Variants in COL11A1 observed in about 807,000 individuals in gnomAD.
COL11A1 encodes collagen alpha-1(XI) chain.
In COL11A1, 74 loss-of-function variants were observed where a neutral mutation model predicts 265.2. The ratio of observed to expected loss-of-function variants is 0.28; its 90% confidence interval spans 0.23 to 0.34. The LOEUF is 0.34. COL11A1 is among the 10% of genes least tolerant of loss of function. COL11A1 has a pLI of 1.00. For missense variants in COL11A1, 2,165 were observed against 2,263.6 expected, an observed-to-expected ratio of 0.96 and a Z score of 0.88; for synonymous variants, 816 against 727.6, an observed-to-expected ratio of 1.12 and a Z score of -1.96.
At chr1:103,089,969 CA>C (rs1185591773) in intron 1 of COL11A1, among the ~76,000 whole-genome samples, 1 of 151,856 alleles carries the variant, frequency 6.6e-6, no homozygotes, top group Non-Finnish European at 1.5e-5. Context: ...ACTAAAAATA[CA>C]AAAATTAGCC....
At chr1:102,984,229 A>C (rs746427617) in intron 30 of COL11A1, 38 bp from the exon 31 acceptor site, 3 of 1,293,292 alleles carry the variant, frequency 2.3e-6, no homozygotes, top group Non-Finnish European at 3.3e-6. Context: ...GTAATATTTT[A>C]AGTTGAATTA....
intron 22 of COL11A1, 42 bp downstream of exon 22, chr1:103,002,705 T>C: frequency 1.3e-6 from 2 of 1,555,342 alleles, no homozygotes; most frequent in Non-Finnish European, 1.8e-6. Context: ...TCTTAGGGCT[T>C]ATATTCAAAT....
intron 46 of COL11A1, among the ~76,000 whole-genome samples, chr1:102,928,502 G>T (rs12729158): frequency 0.53 from 80,832 of 151,928 alleles, 25,771 homozygotes; most frequent in East Asian, 0.77. Context: ...GTCTATCATT[G>T]TTGGACATTT....
rs1267865443 is a variant in COL11A1 at position 103,002,941 on chromosome 1, C to T, written c.1999-150G>A. The stretch of plus-strand genomic sequence containing the variant: ...AATGGAAACGAAGAAGAGACAAGAC[C>T]TATACTTTCTTTTCCATGTCCACAT... On this transcript the variant is annotated intron_variant, in intron 21 of 66. Coordinates refer to ENST00000370096, the MANE Select transcript of COL11A1 (RefSeq NM_001854.4). 9.7e-6 allele frequency: 8 copies of T among 828,078 alleles called. No individual in the cohort carries two copies. In the East Asian group the frequency reaches 1.8e-4, roughly 19 times the overall value. 51.3% of individuals were successfully genotyped at this position (828,078 alleles called of 1,614,324 possible).
At chr1:103,009,153 C>T (rs974811670) in intron 14 of COL11A1, among the ~76,000 whole-genome samples, 6 of 152,180 alleles carry the variant, frequency 3.9e-5, no homozygotes, top group African/African-American at 1.4e-4. Flanking sequence ...GTGGCTCACG[C>T]CTGTAATCCC....
At chr1:103,088,860 C>T (rs534926772) in intron 1 of COL11A1, among the ~76,000 whole-genome samples, 60 of 152,284 alleles carry the variant, frequency 3.9e-4, no homozygotes, top group African/African-American at 1.4e-3. Context: ...TTTAGCTCTC[C>T]AGATTATCCC....
At chr1:102,882,379 A>T (rs1480866643) in intron 64 of COL11A1, among the ~76,000 whole-genome samples, 2 of 152,128 alleles carry the variant, frequency 1.3e-5, no homozygotes, top group African/African-American at 4.8e-5. Flanking sequence ...GTTTTTCCAC[A>T]TTTCTCTGGA....
intron 41 of COL11A1, among the ~76,000 whole-genome samples, chr1:102,959,069 C>T (rs909617346): frequency 6.6e-6 from 1 of 152,204 alleles, no homozygotes; most frequent in South Asian, 2.1e-4. Context: ...CATCGGCTCA[C>T]TCCAATGTTG....
intron 28 of COL11A1, among the ~76,000 whole-genome samples, chr1:102,993,817 G>A (rs1300657513): frequency 1.3e-5 from 2 of 152,162 alleles, no homozygotes; most frequent in African/African-American, 4.8e-5. Flanking sequence ...GGGATTATAG[G>A]CATGTGCCAC....
chr1:102,966,390 C>A (rs1224562834), intron 37 of COL11A1, among the ~76,000 whole-genome samples: 3 of 152,074 alleles, frequency 2.0e-5, no homozygotes, highest in African/African-American at 4.8e-5. Flanking sequence ...TGGGTAGGAA[C>A]TAGCAGTCTC....
At chr1:103,021,583 A>G in intron 9 of COL11A1, 124 bp downstream of exon 9, 1 of 714,482 alleles carries the variant, frequency 1.4e-6, no homozygotes, top group South Asian at 1.5e-5. Flanking sequence ...ATTTGTGGTG[A>G]ATTGCAAACA....
intron 1 of COL11A1, among the ~76,000 whole-genome samples, chr1:103,092,312 C>T (rs184972745): frequency 1.3e-5 from 2 of 152,062 alleles, no homozygotes; most frequent in Non-Finnish European, 1.5e-5. Flanking sequence ...TCCAGAAGAA[C>T]AAAGTAGGCT....
Position 103,082,899 on chromosome 1 carries a change from A to T in COL11A1, c.180T>A (p.Phe60Leu), listed in dbSNP as rs1434633749. ...SPEGISKTTG[F>L]CTNRKNSKGS... ...CTTTAGAATTCTTTCTGTTTGTGCA[A>T]AATCCCGTTGTTTTTGATATTCCCT... is the stretch of plus-strand genomic sequence containing the variant. Residue 60 changes from phenylalanine (F) to leucine (L), a missense_variant, in exon 2 of 67, where the codon TTT becomes TTA. Physicochemically the swap from Phe to Leu is conservative, Grantham distance 22 (BLOSUM62 0). Coordinates refer to ENST00000370096, the MANE Select transcript of COL11A1 (RefSeq NM_001854.4). 2 of 1,613,688 alleles carry T rather than the reference A, an allele frequency of 1.2e-6. No individual in the cohort carries two copies. Among genetic ancestry groups the T allele is most frequent in the Non-Finnish European group, 1.7e-6 (2 of 1,179,750 alleles).
Position 103,096,898 on chromosome 1 carries a change from G to C in COL11A1, c.106+11175C>G, listed in dbSNP as rs147622797. Among the ~76,000 whole-genome samples the C allele has an allele frequency of 3.3e-5, 5 of 152,070 alleles. No homozygotes were observed. The East Asian group carries it at 9.7e-4, about 29-fold the overall frequency. The stretch of plus-strand genomic sequence containing the variant: ...TTTAGAAATGCTAAGTTATGTTTTT[G>C]TCTTATAGCAGATTTTATTTTAACA... On this transcript the variant is annotated intron_variant, in intron 1 of 66. Coordinates refer to ENST00000370096, the MANE Select transcript of COL11A1 (RefSeq NM_001854.4).
intron 31 of COL11A1, among the ~76,000 whole-genome samples, chr1:102,983,663 G>C (rs1317096066): frequency 6.6e-6 from 1 of 152,046 alleles, no homozygotes; most frequent in Non-Finnish European, 1.5e-5. Context: ...CTGTAAGGCA[G>C]TGAATTTCTG....
intron 28 of COL11A1, among the ~76,000 whole-genome samples, chr1:102,990,056 A>G (rs1288149128): frequency 1.3e-5 from 2 of 151,956 alleles, no homozygotes; most frequent in Non-Finnish European, 1.5e-5. Context: ...GTGTGGGTGC[A>G]TGACTGTAAT....
chr1:102,984,477 C>T (rs1663347285), intron 30 of COL11A1, among the ~76,000 whole-genome samples: 1 of 151,966 alleles, frequency 6.6e-6, no homozygotes, highest in Non-Finnish European at 1.5e-5. Flanking sequence ...GAGAACTCTG[C>T]ACTTCTTTGT....
chr1:102,906,058 T>A (rs1303095034), intron 54 of COL11A1, among the ~76,000 whole-genome samples: 1 of 152,182 alleles, frequency 6.6e-6, no homozygotes, highest in African/African-American at 2.4e-5. Context: ...TAAATGATAC[T>A]ACAATTGGAA....
chr1:102,998,647 T>G (rs189582033), intron 24 of COL11A1, among the ~76,000 whole-genome samples: 1 of 151,890 alleles, frequency 6.6e-6, no homozygotes, highest in Non-Finnish European at 1.5e-5. Context: ...CACAATAAAC[T>G]GAAGCTTAGA....
Sources: allele counts gnomAD v4.1 joint callset (sites outside exome capture counted in the v4.1 genomes callset), GRCh38; gene constraint gnomAD v4.1.1; transcripts MANE v1.5; gene names NCBI Gene and HGNC (gene_info 2026-07-23, HGNC 2026-07-21).